Variants in OPCML observed in about 807,000 individuals in gnomAD.
OPCML encodes the protein opioid binding protein/cell adhesion molecule like, also known as opioid-binding protein/cell adhesion molecule.
OPCML carries 13 observed loss-of-function variants against 37.8 expected under a neutral mutation model. The ratio of observed to expected loss-of-function variants is 0.34; its 90% CI spans 0.22 to 0.55. The LOEUF (loss-of-function observed/expected upper bound fraction) is 0.55. OPCML is among the 20% of genes least tolerant of loss of function. The probability of loss-of-function intolerance (pLI) is 0.91; values close to 1 mark genes in which losing one functional copy is unlikely to be tolerated. For missense variants in OPCML, 341 were observed against 435.6 expected, an observed-to-expected ratio of 0.78 and a Z score of 1.93; for synonymous variants, 176 against 168.8, an observed-to-expected ratio of 1.04 and a Z score of -0.33.
intron 1 of OPCML, among the ~76,000 whole-genome samples, chr11:133,522,346 A>G (rs1948412185): frequency 6.6e-6 from 1 of 152,234 alleles, no homozygotes; most frequent in African/African-American, 2.4e-5. Flanking sequence ...GTTGACACGT[A>G]TCTGGCATTT....
At chr11:132,694,957 A>G (rs1943550438) in intron 2 of OPCML, among the ~76,000 whole-genome samples, 1 of 152,192 alleles carries the variant, frequency 6.6e-6, no homozygotes, top group African/African-American at 2.4e-5. Context: ...TGCGACATTA[A>G]TGGCATAAAA....
intron 1 of OPCML, among the ~76,000 whole-genome samples, chr11:133,407,006 G>C (rs919581899): frequency 4.6e-5 from 7 of 152,172 alleles, no homozygotes; most frequent in East Asian, 3.9e-4. Flanking sequence ...CTCCTATTCA[G>C]TTTTGAAATA....
intron 4 of OPCML, among the ~76,000 whole-genome samples, chr11:132,499,724 T>A (rs561406611): frequency 6.6e-6 from 1 of 152,296 alleles, no homozygotes; most frequent in African/African-American, 2.4e-5. Flanking sequence ...TAGAACTATG[T>A]CATAGAGTTG....
At chr11:132,729,283 T>A (rs945882528) in intron 2 of OPCML, among the ~76,000 whole-genome samples, 8 of 152,314 alleles carry the variant, frequency 5.3e-5, no homozygotes, top group Admixed American at 3.3e-4. Context: ...CAGCTTTTTT[T>A]AAAGCCCTCA....
chr11:132,553,879 G>T (rs534219687), intron 3 of OPCML, among the ~76,000 whole-genome samples: 5 of 152,168 alleles, frequency 3.3e-5, no homozygotes, highest in Non-Finnish European at 7.3e-5. Flanking sequence ...ACTGTGTTTG[G>T]TTTTGAATGC....
intron 1 of OPCML, among the ~76,000 whole-genome samples, chr11:133,267,035 T>C (rs1941683049): frequency 6.6e-6 from 1 of 152,218 alleles, no homozygotes; most frequent in African/African-American, 2.4e-5. Context: ...AGCAGAAGTA[T>C]GATTCGGCAC....
At chr11:132,592,764 A>G (rs2096486538) in intron 3 of OPCML, among the ~76,000 whole-genome samples, 1 of 152,218 alleles carries the variant, frequency 6.6e-6, no homozygotes, top group African/African-American at 2.4e-5. Context: ...ACAAAGATCA[A>G]AGGAAGACCC....
At chr11:133,457,658 T>C (rs1428794710) in intron 1 of OPCML, among the ~76,000 whole-genome samples, 1 of 152,128 alleles carries the variant, frequency 6.6e-6, no homozygotes, top group Non-Finnish European at 1.5e-5. Flanking sequence ...TTCATATATG[T>C]ATAATTTTAT....
intron 3 of OPCML, among the ~76,000 whole-genome samples, chr11:132,558,985 A>G (rs1591549979): frequency 6.6e-6 from 1 of 152,146 alleles, no homozygotes; most frequent in South Asian, 2.1e-4. Context: ...TAATATTTTC[A>G]ACTATTTGAT....
intron 2 of OPCML, among the ~76,000 whole-genome samples, chr11:132,696,703 A>G (rs919642648): frequency 1.3e-5 from 2 of 152,122 alleles, no homozygotes; most frequent in African/African-American, 2.4e-5. Flanking sequence ...TCAGATAGGA[A>G]CTATTGTATC....
rs368185817 is a variant in OPCML, at chr11:132,734,786, G to A, written c.147-77467C>T. ...AAACGTAAAGTACAGACAATGCAAAGGCTACAGGATATTGATGAATGTTAC... is the reference window on the plus strand; with the variant it reads ...AAACGTAAAGTACAGACAATGCAAAAGCTACAGGATATTGATGAATGTTAC... On this transcript the variant is annotated intron_variant, in intron 2 of 7. Coordinates refer to ENST00000524381, the MANE Select transcript of OPCML (RefSeq NM_001012393.5). 4.6e-5 allele frequency among the ~76,000 whole-genome samples: 7 copies of A among 152,280 alleles called. No individual in the cohort carries two copies. The East Asian group carries it at 7.7e-4, about 17-fold the overall frequency.
chr11:132,597,941 T>C (rs994573340), intron 3 of OPCML, among the ~76,000 whole-genome samples: 20 of 152,170 alleles, frequency 1.3e-4, no homozygotes, highest in Admixed American at 1.2e-3. Flanking sequence ...GTGCTAAGCC[T>C]CTACCTGGAA....
rs543053460 is a variant in OPCML at position 132,707,904 on chromosome 11, A to G, written c.147-50585T>C. Among the ~76,000 whole-genome samples the G allele has an allele frequency of 2.6e-5, 4 of 152,348 alleles. No individual in the cohort carries two copies. In the South Asian group the frequency reaches 8.3e-4, roughly 32 times the overall value. ...TAACCATTGAGCCTGAAAACAGTTCATTTGGGTCATATATGACAGTTCTCT... is the reference window on the plus strand; with the variant it reads ...TAACCATTGAGCCTGAAAACAGTTCGTTTGGGTCATATATGACAGTTCTCT... On this transcript the variant is annotated intron_variant, in intron 2 of 7. Coordinates refer to ENST00000524381, the MANE Select transcript of OPCML (RefSeq NM_001012393.5).
chr11:133,193,057 CA>C (rs201976169), intron 1 of OPCML, among the ~76,000 whole-genome samples: 100 of 151,420 alleles, frequency 6.6e-4, no homozygotes, highest in Admixed American at 1.1e-3. Context: ...CCTCCCTGAC[CA>C]AAAAAAACCA....
chr11:133,024,062 G>A (rs4418820), intron 1 of OPCML, among the ~76,000 whole-genome samples: 18,088 of 152,220 alleles, frequency 0.12, 1,469 homozygotes, highest in Admixed American at 0.26. Flanking sequence ...TTCACAGGAA[G>A]TGCTAGACAG....
chr11:132,462,039 G>C (rs1246661605), intron 4 of OPCML, among the ~76,000 whole-genome samples: 1 of 152,152 alleles, frequency 6.6e-6, no homozygotes, highest in East Asian at 1.9e-4. Flanking sequence ...ATAAATATAG[G>C]TGACAATGTA....
chr11:132,626,578 ATCTATATGAAT>A (rs1034593717), intron 3 of OPCML, among the ~76,000 whole-genome samples: 9 of 152,106 alleles, frequency 5.9e-5, no homozygotes, highest in African/African-American at 1.4e-4. Flanking sequence ...AACTTAGCTT[ATCTATATGAAT>A]GAATTTTTCT....
chr11:132,480,694 A>G (rs2096176647), intron 4 of OPCML, among the ~76,000 whole-genome samples: 1 of 152,210 alleles, frequency 6.6e-6, no homozygotes, highest in African/African-American at 2.4e-5. Context: ...TACAAGCCAG[A>G]AGAGAGTGGG....
Position 132,417,556 on chromosome 11 carries a change from C to T in OPCML, c.*2637G>A, listed in dbSNP as rs1157094022. On this transcript the variant is annotated 3_prime_UTR_variant, in exon 8 of 8. Coordinates refer to ENST00000524381, the MANE Select transcript of OPCML (RefSeq NM_001012393.5). ...GCCAGCCTTGTTGGGTTGAGAGGTT[C>T]TGATGATCTTGGCCAAAGGAGCATG... 1.3e-5 allele frequency: 2 copies of T among 152,196 alleles called. No individual in the cohort carries two copies. Among genetic ancestry groups the T allele is most frequent in the Non-Finnish European group, 2.9e-5 (2 of 68,080 alleles). 9.4% of individuals were successfully genotyped at this position (152,196 alleles called of 1,614,324 possible). A position where few individuals can be genotyped will look rare whatever the true frequency, so the allele number is the denominator to read the frequency against.
Sources: gnomAD v4.1 joint callset for allele counts (sites outside exome capture counted in the v4.1 genomes callset) on GRCh38, gnomAD v4.1.1 for gene constraint, MANE v1.5 for transcripts, NCBI Gene and HGNC (gene_info 2026-07-23, HGNC 2026-07-21) for gene names.